The following ACAP2 variants were observed in gnomAD, a reference collection of about 807,000 sequenced individuals.
The protein encoded by ACAP2 is arf-GAP with coiled-coil, ANK repeat and PH domain-containing protein 2.
ACAP2 carries 39 observed loss-of-function variants against 115.8 expected under a neutral mutation model. The observed-to-expected ratio is 0.34, with a 90% confidence interval of 0.26 to 0.44. ACAP2 has a LOEUF of 0.44. Ranked by LOEUF, ACAP2 falls within the 20% of genes least tolerant of loss-of-function variation. The pLI, the probability that ACAP2 is intolerant of heterozygous loss-of-function variation, is 1.00. For missense variants in ACAP2, 662 were observed against 927.6 expected, an observed-to-expected ratio of 0.71 and a Z score of 3.72; for synonymous variants, 289 against 315.8, an observed-to-expected ratio of 0.92 and a Z score of 0.90.
At chr3:195,322,785 C>A (rs1560241890) in intron 9 of ACAP2, among the ~76,000 whole-genome samples, 1 of 152,174 alleles carries the variant, frequency 6.6e-6, no homozygotes, top group African/African-American at 2.4e-5. Flanking sequence ...TAAAAGACTT[C>A]TTTGAAAGTG....
intron 4 of ACAP2, among the ~76,000 whole-genome samples, chr3:195,367,678 T>C (rs963358586): frequency 3.9e-5 from 6 of 152,188 alleles, no homozygotes; most frequent in Admixed American, 2.6e-4. Flanking sequence ...TAAGGGACCA[T>C]GTACCCACTG....
intron 17 of ACAP2, chr3:195,295,325 C>T: frequency 7.9e-7 from 1 of 1,270,084 alleles, no homozygotes; most frequent in Non-Finnish European, 1.0e-6. Context: ...GTTAGCAAAG[C>T]ACAAAGCAGG....
At chr3:195,313,324 T>C (rs1728880053) in intron 10 of ACAP2, among the ~76,000 whole-genome samples, 1 of 152,204 alleles carries the variant, frequency 6.6e-6, no homozygotes, top group Non-Finnish European at 1.5e-5. Context: ...GGCTATAAAA[T>C]ATAGATAGCA....
At chr3:195,293,824 C>T (rs969595553) in intron 18 of ACAP2, among the ~76,000 whole-genome samples, 17 of 151,512 alleles carry the variant, frequency 1.1e-4, no homozygotes, top group African/African-American at 3.4e-4. Flanking sequence ...GACAACAGAG[C>T]GAGACTCAAA....
intron 1 of ACAP2, among the ~76,000 whole-genome samples, chr3:195,413,848 G>A (rs112890794): frequency 0.022 from 3,354 of 152,044 alleles, 120 homozygotes; most frequent in East Asian, 0.1. Context: ...GATGGTGCAC[G>A]CCTGTAGTCC....
chr3:195,442,376 G>A (rs1219568223), intron 1 of ACAP2: 1 of 233,612 alleles, frequency 4.3e-6, no homozygotes, highest in Non-Finnish European at 8.4e-6. Flanking sequence ...CTCCCTCAAA[G>A]AGGGGGTGGG....
intron 5 of ACAP2, among the ~76,000 whole-genome samples, chr3:195,344,382 CAA>C (rs1731063303): frequency 6.6e-6 from 1 of 152,082 alleles, no homozygotes; most frequent in Non-Finnish European, 1.5e-5. Context: ...AGCCAGGAAT[CAA>C]AAGAGAAAAA....
At chr3:195,431,789 A>C (rs890706720) in intron 1 of ACAP2, among the ~76,000 whole-genome samples, 1 of 151,900 alleles carries the variant, frequency 6.6e-6, no homozygotes, top group Non-Finnish European at 1.5e-5. Context: ...AAACTCTTCC[A>C]ATGTGGCTCA....
At chr3:195,295,332 C>A in intron 17 of ACAP2, 1 of 1,257,248 alleles carries the variant, frequency 8.0e-7, no homozygotes, top group Non-Finnish European at 1.0e-6. Context: ...AAGCACAAAG[C>A]AGGCCATAAG....
chr3:195,369,408 C>T (rs936953329), intron 4 of ACAP2, among the ~76,000 whole-genome samples: 159 of 152,188 alleles, frequency 1.0e-3, no homozygotes, highest in African/African-American at 3.7e-3. Flanking sequence ...TTTTCCGATC[C>T]TCTCCCTCCT....
intron 2 of ACAP2, among the ~76,000 whole-genome samples, chr3:195,389,922 G>A (rs1477298454): frequency 1.3e-5 from 2 of 152,238 alleles, no homozygotes; most frequent in Non-Finnish European, 2.9e-5. Flanking sequence ...GGGGCCGGGT[G>A]CAGTGGCTCA....
chr3:195,328,368 G>A (rs1228985067), intron 8 of ACAP2, among the ~76,000 whole-genome samples: 2 of 151,668 alleles, frequency 1.3e-5, no homozygotes, highest in East Asian at 1.9e-4. Context: ...TTTTTCTACA[G>A]AAGAATAATT....
chr3:195,308,688 A>C (rs986437761), intron 11 of ACAP2, 98 bp downstream of exon 11: 3 of 974,428 alleles, frequency 3.1e-6, no homozygotes, highest in Non-Finnish European at 4.6e-6. Context: ...AATTACATTA[A>C]TTTTACACAA....
intron 1 of ACAP2, among the ~76,000 whole-genome samples, chr3:195,432,788 T>C (rs1231029947): frequency 6.6e-6 from 1 of 152,244 alleles, no homozygotes; most frequent in Non-Finnish European, 1.5e-5. Context: ...ATTGCCATCT[T>C]AACAATATTC....
At chr3:195,307,834 T>C (rs1267122046) in intron 11 of ACAP2, among the ~76,000 whole-genome samples, 2 of 152,136 alleles carry the variant, frequency 1.3e-5, no homozygotes, top group Non-Finnish European at 2.9e-5. Flanking sequence ...GAAGAAACCA[T>C]GAACTAATAA....
intron 10 of ACAP2, among the ~76,000 whole-genome samples, chr3:195,318,482 T>A (rs959996291): frequency 6.6e-6 from 1 of 152,208 alleles, no homozygotes; most frequent in Non-Finnish European, 1.5e-5. Context: ...TGAGGTGGTC[T>A]CAGATGGAGA....
At position 195,345,234 on chromosome 3, in the gene ACAP2, T is replaced by C. The variant is rs762660127; in HGVS notation, c.344+25A>G. 5.6e-5 allele frequency: 88 copies of C among 1,559,982 alleles called. 3 individuals are homozygous for C. In the South Asian group the frequency reaches 9.6e-4, roughly 17 times the overall value. ...TTGATCATTAACTAGTTAATTTTCTTTCCTCTTCACCGCAATTGACTTACT... is the reference window on the plus strand; with the variant it reads ...TTGATCATTAACTAGTTAATTTTCTCTCCTCTTCACCGCAATTGACTTACT... On this transcript the variant is annotated intron_variant, in intron 5 of 22. Transcript: ENST00000326793.
chr3:195,318,122 C>T (rs1163085922), intron 10 of ACAP2, among the ~76,000 whole-genome samples: 1 of 152,160 alleles, frequency 6.6e-6, no homozygotes, highest in Non-Finnish European at 1.5e-5. Flanking sequence ...GAGGAAGATG[C>T]CTGCTTCCCC....
intron 20 of ACAP2, among the ~76,000 whole-genome samples, chr3:195,291,226 C>T (rs1411197140): frequency 1.3e-5 from 2 of 152,112 alleles, no homozygotes; most frequent in African/African-American, 2.4e-5. Flanking sequence ...ATCTTACTAT[C>T]GCTCCAGAAG....
Sources: allele counts gnomAD v4.1 joint callset (sites outside exome capture counted in the v4.1 genomes callset), GRCh38; gene constraint gnomAD v4.1.1; transcripts MANE v1.5; gene names NCBI Gene and HGNC (gene_info 2026-07-23, HGNC 2026-07-21).